The following NALF1 variants were observed in gnomAD, a reference collection of about 807,000 sequenced individuals.
The protein encoded by NALF1 is NALCN channel auxiliary factor 1.
A neutral mutation model predicts 48.4 loss-of-function variants in NALF1; 3 were observed. The ratio of observed to expected loss-of-function variants is 0.06; its 90% CI spans 0.03 to 0.16. NALF1 has a LOEUF of 0.16. Ranked by LOEUF, NALF1 falls within the 10% of genes least tolerant of loss-of-function variation. NALF1 has a pLI of 1.00. For synonymous variants in NALF1, 262 were observed against 245.7 expected (o/e 1.07, Z -0.62); for missense variants, 526 against 571.5 (o/e 0.92, Z 0.81).
At chr13:107,469,863 C>T (rs1157870376) in intron 1 of NALF1, among the ~76,000 whole-genome samples, 2 of 150,234 alleles carry the variant, frequency 1.3e-5, no homozygotes, top group East Asian at 4.0e-4. Flanking sequence ...CCTGCCTCAG[C>T]CTCCCGAGTA....
At chr13:107,616,753 C>T (rs554476024) in intron 1 of NALF1, among the ~76,000 whole-genome samples, 2 of 152,250 alleles carry the variant, frequency 1.3e-5, no homozygotes, top group African/African-American at 4.8e-5. Context: ...AAGGACAAGT[C>T]AGTCCCCATG....
chr13:107,582,193 T>C (rs368239225), intron 1 of NALF1, among the ~76,000 whole-genome samples: 3 of 152,180 alleles, frequency 2.0e-5, no homozygotes, highest in East Asian at 3.8e-4. Flanking sequence ...TCCTTTAAAA[T>C]AGATTCATTT....
intron 1 of NALF1, among the ~76,000 whole-genome samples, chr13:107,626,803 G>A (rs1227191776): frequency 1.3e-5 from 2 of 152,156 alleles, no homozygotes; most frequent in East Asian, 1.9e-4. Flanking sequence ...GAGGAGACAT[G>A]AAGGGCCAAA....
chr13:107,419,405 A>G (rs1036538879), intron 1 of NALF1, among the ~76,000 whole-genome samples: 4 of 152,228 alleles, frequency 2.6e-5, no homozygotes, highest in Admixed American at 1.3e-4. Flanking sequence ...ATCGCTGTAA[A>G]GCTAATCCTG....
At chr13:107,367,164 T>C (rs1032405238) in intron 1 of NALF1, among the ~76,000 whole-genome samples, 2 of 152,192 alleles carry the variant, frequency 1.3e-5, no homozygotes, top group African/African-American at 2.4e-5. Context: ...GGAAAATTAA[T>C]TTAAAAAAAT....
At chr13:107,249,908 T>C (rs960760100) in intron 1 of NALF1, among the ~76,000 whole-genome samples, 4 of 152,162 alleles carry the variant, frequency 2.6e-5, no homozygotes, top group African/African-American at 9.7e-5. Flanking sequence ...TCAATTAGTA[T>C]ACAATTAGTA....
intron 1 of NALF1, among the ~76,000 whole-genome samples, chr13:107,783,464 A>G (rs1372007839): frequency 1.3e-5 from 2 of 152,192 alleles, no homozygotes; most frequent in Admixed American, 6.5e-5. Flanking sequence ...GATGGTTGCC[A>G]TGTCTGTGTA....
chr13:107,309,375 C>A (rs1032851544), intron 1 of NALF1, among the ~76,000 whole-genome samples: 1 of 152,176 alleles, frequency 6.6e-6, no homozygotes, highest in South Asian at 2.1e-4. Flanking sequence ...TGAATTATGA[C>A]CAAAACTATT....
At chr13:107,486,235 G>C (rs748590304) in intron 1 of NALF1, among the ~76,000 whole-genome samples, 2 of 152,066 alleles carry the variant, frequency 1.3e-5, no homozygotes, top group Non-Finnish European at 2.9e-5. Flanking sequence ...CTGTCCTTAC[G>C]GATCGGAACA....
chr13:107,204,023 C>T (rs1467928242), intron 2 of NALF1, among the ~76,000 whole-genome samples: 1 of 115,190 alleles, frequency 8.7e-6, no homozygotes, highest in East Asian at 2.4e-4. Flanking sequence ...CCCACAAGCT[C>T]TCCCTGCTCT....
intron 1 of NALF1, among the ~76,000 whole-genome samples, chr13:107,578,064 G>T (rs1332908091): frequency 6.6e-6 from 1 of 152,068 alleles, no homozygotes; most frequent in Admixed American, 6.5e-5. Context: ...ATTGATTGGT[G>T]CTATCTCCTC....
chr13:107,828,168 A>C (rs1879576681), intron 1 of NALF1, among the ~76,000 whole-genome samples: 1 of 152,186 alleles, frequency 6.6e-6, no homozygotes, highest in South Asian at 2.1e-4. Flanking sequence ...TTATTAAGCC[A>C]TGCAATCTTA....
chr13:107,176,868 AGAT>A (rs1878950205), intron 2 of NALF1, among the ~76,000 whole-genome samples: 2 of 152,060 alleles, frequency 1.3e-5, no homozygotes, highest in Admixed American at 1.3e-4. Context: ...TCTTTGCTGC[AGAT>A]GATATAATTT....
At chr13:107,833,150 C>T (rs1290335866) in intron 1 of NALF1, among the ~76,000 whole-genome samples, 3 of 149,334 alleles carry the variant, frequency 2.0e-5, no homozygotes, top group Non-Finnish European at 4.4e-5. Context: ...CCCTGCGCCT[C>T]CTTTAGCATA....
At chr13:107,618,420 G>A (rs149961451) in intron 1 of NALF1, among the ~76,000 whole-genome samples, 174 of 152,286 alleles carry the variant, frequency 1.1e-3, no homozygotes, top group African/African-American at 3.9e-3. Context: ...TTTATGATAA[G>A]TGTAAAGGCA....
intron 1 of NALF1, among the ~76,000 whole-genome samples, chr13:107,229,509 G>A (rs79696667): frequency 3.3e-5 from 5 of 152,246 alleles, no homozygotes; most frequent in African/African-American, 1.2e-4. Flanking sequence ...TGCATCAGGG[G>A]ACGCCTTCGG....
intron 1 of NALF1, among the ~76,000 whole-genome samples, chr13:107,535,751 A>G (rs1304907290): frequency 6.6e-6 from 1 of 152,196 alleles, no homozygotes; most frequent in Non-Finnish European, 1.5e-5. Context: ...GGAACCAAAA[A>G]AGAGTCCACA....
At chr13:107,794,584 A>G (rs958520742) in intron 1 of NALF1, among the ~76,000 whole-genome samples, 1 of 151,332 alleles carries the variant, frequency 6.6e-6, no homozygotes, top group African/African-American at 2.4e-5. Context: ...AAAGAATCCT[A>G]TTAACACCTG....
At chr13:107,363,028 G>C (rs1279032296) in intron 1 of NALF1, among the ~76,000 whole-genome samples, 1 of 152,052 alleles carries the variant, frequency 6.6e-6, no homozygotes, top group African/African-American at 2.4e-5. Context: ...GGAAACAACA[G>C]AACACATAAA....
Sources: allele counts gnomAD v4.1 joint callset (sites outside exome capture counted in the v4.1 genomes callset), GRCh38; gene constraint gnomAD v4.1.1; transcripts MANE v1.5; gene names NCBI Gene and HGNC (gene_info 2026-07-23, HGNC 2026-07-21).